The following ACTN2 variants were observed in gnomAD, a reference collection of about 807,000 sequenced individuals.
ACTN2 encodes alpha-actinin-2.
In ACTN2, 39 loss-of-function variants were observed where a neutral mutation model predicts 113.8. That is an observed-to-expected ratio of 0.34 (90% CI 0.27 to 0.45). ACTN2 has a LOEUF of 0.45. Ranked by LOEUF, ACTN2 falls within the 20% of genes least tolerant of loss-of-function variation. The probability of loss-of-function intolerance (pLI) is 1.00; values close to 1 mark genes in which losing one functional copy is unlikely to be tolerated. For synonymous variants in ACTN2, 429 were observed against 444.1 expected, an observed-to-expected ratio of 0.97 and a Z score of 0.43; for missense variants, 992 against 1,177.9, an observed-to-expected ratio of 0.84 and a Z score of 2.31.
intron 10 of ACTN2, among the ~76,000 whole-genome samples, chr1:236,740,236 C>T (rs1046131568): frequency 1.3e-5 from 2 of 152,074 alleles, no homozygotes; most frequent in African/African-American, 2.4e-5. Context: ...GCCTCAGCCT[C>T]CTGAGTAGCT....
chr1:236,754,131 C>T lies in ACTN2; in HGVS notation c.1974+50C>T, dbSNP rs745323343. On this transcript the variant is annotated intron_variant, in intron 16 of 20. Coordinates refer to ENST00000366578, the MANE Select transcript of ACTN2 (RefSeq NM_001103.4). The surrounding 1 kb of genome is among the most constrained non-coding windows in gnomAD (Gnocchi z 4.9). ...TGTTCACAAGCCTTGCGATAAGTCC[C>T]TTTAGCCACGCAGCAGTGACACCGC... The T allele has an allele frequency of 1.2e-6, 2 of 1,608,378 alleles. No individual in the cohort carries two copies. Among genetic ancestry groups the T allele is most frequent in the Admixed American group, 3.3e-5 (2 of 60,028 alleles).
rs577211083 is a variant in ACTN2, at chr1:236,727,664, C to T, written c.537-14C>T. On this transcript the variant is annotated splice_polypyrimidine_tract_variant and intron_variant, in intron 5 of 20. Coordinates refer to ENST00000366578, the MANE Select transcript of ACTN2 (RefSeq NM_001103.4). ...CACTAACACGTGTTCCTGTTCTTCT[C>T]GACGGCTGTGAAGCTGGAAAGATGG... 34 of 1,614,046 alleles carry T rather than the reference C, an allele frequency of 2.1e-5. No homozygotes were observed. The highest frequency in any genetic ancestry group is 1.3e-4 in the African/African-American group (10 of 75,056).
At chr1:236,689,627 A>G (rs1486844275) in intron 1 of ACTN2, among the ~76,000 whole-genome samples, 1 of 152,102 alleles carries the variant, frequency 6.6e-6, no homozygotes, top group Non-Finnish European at 1.5e-5. Flanking sequence ...TGCTGATACT[A>G]AGGATATGAG....
chr1:236,721,128 C>T (rs889592122), intron 4 of ACTN2, among the ~76,000 whole-genome samples: 7 of 148,438 alleles, frequency 4.7e-5, no homozygotes, highest in South Asian at 2.2e-4. Context: ...CCTGGGTCCA[C>T]GCCATTCTCC....
intron 9 of ACTN2, among the ~76,000 whole-genome samples, 168 bp from the exon 10 acceptor site, chr1:236,739,134 G>A (rs1032270922): frequency 4.6e-5 from 7 of 152,096 alleles, no homozygotes; most frequent in East Asian, 3.8e-4. Context: ...CGCGGCCATG[G>A]GCGGACACTG....
At chr1:236,748,087 A>G in intron 13 of ACTN2, 1 of 346,240 alleles carries the variant, frequency 2.9e-6, no homozygotes, top group South Asian at 2.6e-5. Flanking sequence ...ACCTGAGTAA[A>G]TTGAGCTGTG....
At chr1:236,741,899 G>C (rs551981922) in intron 10 of ACTN2, among the ~76,000 whole-genome samples, 2 of 152,258 alleles carry the variant, frequency 1.3e-5, no homozygotes, top group East Asian at 3.9e-4. Context: ...TGGCCTATAA[G>C]GGCCTGCATG....
intron 6 of ACTN2, among the ~76,000 whole-genome samples, chr1:236,730,886 G>A (rs192745749): frequency 6.6e-6 from 1 of 152,202 alleles, no homozygotes; most frequent in Non-Finnish European, 1.5e-5. Context: ...TTCCAAGTCT[G>A]GAAAATGCAT....
intron 10 of ACTN2, among the ~76,000 whole-genome samples, chr1:236,741,454 T>C (rs928857323): frequency 1.3e-5 from 2 of 152,210 alleles, no homozygotes. Flanking sequence ...TATTATAGCA[T>C]ATTAAACTGA....
intron 1 of ACTN2, among the ~76,000 whole-genome samples, chr1:236,716,003 T>G (rs1199680511): frequency 6.6e-6 from 1 of 151,910 alleles, no homozygotes; most frequent in Non-Finnish European, 1.5e-5. Context: ...TAGAGTATCT[T>G]TTCTGTTTAG....
At chr1:236,717,703 GT>G (rs1342242330) in intron 1 of ACTN2, among the ~76,000 whole-genome samples, 154 bp from the exon 2 acceptor site, 13 of 152,188 alleles carry the variant, frequency 8.5e-5, no homozygotes, top group Non-Finnish European at 1.8e-4. Flanking sequence ...TGGGTTTCCA[GT>G]TCTTCTTTCC....
At chr1:236,745,877 G>A (rs775449937) in intron 12 of ACTN2, among the ~76,000 whole-genome samples, 2 of 151,956 alleles carry the variant, frequency 1.3e-5, no homozygotes, top group Non-Finnish European at 1.5e-5. Flanking sequence ...AAACTGCCAC[G>A]TTCTGGCTGG....
chr1:236,755,568 A>G (rs954749236), intron 17 of ACTN2, among the ~76,000 whole-genome samples: 1 of 152,122 alleles, frequency 6.6e-6, no homozygotes, highest in Admixed American at 6.5e-5. Context: ...ATGGGAAAAT[A>G]TTTTTAGTGA....
chr1:236,708,019 G>A (rs1164588789), intron 1 of ACTN2, among the ~76,000 whole-genome samples: 5 of 151,900 alleles, frequency 3.3e-5, no homozygotes, highest in Non-Finnish European at 7.4e-5. Flanking sequence ...CCATCATAAT[G>A]CATTTCTTGG....
At chr1:236,702,800 CCTTA>C (rs1394328126) in intron 1 of ACTN2, among the ~76,000 whole-genome samples, 6 of 152,070 alleles carry the variant, frequency 3.9e-5, no homozygotes, top group African/African-American at 1.4e-4. Flanking sequence ...GTGGGCTGTT[CCTTA>C]CTTAGAATTG....
chr1:236,702,268 G>A (rs707216), intron 1 of ACTN2, among the ~76,000 whole-genome samples: 23,041 of 152,102 alleles, frequency 0.15, 1,783 homozygotes, highest in Middle Eastern at 0.19. Context: ...AAAGCTAGCC[G>A]ACATCATTAC....
chr1:236,694,120 G>A (rs989760613), intron 1 of ACTN2, among the ~76,000 whole-genome samples: 9 of 151,928 alleles, frequency 5.9e-5, no homozygotes, highest in African/African-American at 1.9e-4. Flanking sequence ...CTGATGCTCT[G>A]TCTCCCCAAC....
In ACTN2 at chr1:236,721,033, T is replaced by TTTTTTTTTTG. The variant is rs1558233482; in HGVS notation, c.448+851_448+852insGTTTTTTTTT. 1.8e-3 allele frequency among the ~76,000 whole-genome samples: 192 copies of TTTTTTTTTTG among 108,850 alleles called. 23 individuals carry two copies. Among genetic ancestry groups the TTTTTTTTTTG allele is most frequent in the African/African-American group, 6.1e-3 (181 of 29,444 alleles). 71.4% of individuals were successfully genotyped at this position (108,850 alleles called of 152,430 possible). A position where few individuals can be genotyped will look rare whatever the true frequency, so the allele number is the denominator to read the frequency against. The stretch of plus-strand genomic sequence containing the variant: ...GGTTTTTGTTTTTTGTTTTTTTTTT[T>TTTTTTTTTTG]TTTTTTTTTTTTGAGACGGAGTCTC... On this transcript the variant is annotated intron_variant, in intron 4 of 20. Transcript: ENST00000366578.
chr1:236,728,284 C>T (rs1309496924), intron 6 of ACTN2, among the ~76,000 whole-genome samples: 2 of 152,030 alleles, frequency 1.3e-5, no homozygotes, highest in East Asian at 3.9e-4. Flanking sequence ...ACTGGGACTA[C>T]AGGCATCCGC....
Sources: gnomAD v4.1 joint callset for allele counts (sites outside exome capture counted in the v4.1 genomes callset) on GRCh38, gnomAD v4.1.1 for gene constraint, Gnocchi (gnomAD v3.1) non-coding constraint, MANE v1.5 for transcripts, NCBI Gene and HGNC (gene_info 2026-07-23, HGNC 2026-07-21) for gene names.